Variants in METTL15 observed in about 807,000 individuals in gnomAD.
METTL15 encodes the protein 12S rRNA N(4)-cytidine methyltransferase METTL15.
In METTL15, 34 loss-of-function variants were observed where a neutral mutation model predicts 38.3. The ratio of observed to expected loss-of-function variants is 0.89; its 90% CI spans 0.68 to 1.18. METTL15 has a LOEUF of 1.18. Ranked by LOEUF, METTL15 falls within the 50% of genes most tolerant of loss-of-function variation. The pLI is 0.00. For synonymous variants in METTL15, 162 were observed against 170.9 expected, an observed-to-expected ratio of 0.95 and a Z score of 0.41; for missense variants, 438 against 498.4, an observed-to-expected ratio of 0.88 and a Z score of 1.15.
At chr11:28,147,814 T>C (rs1273921156) in intron 3 of METTL15, among the ~76,000 whole-genome samples, 2 of 151,916 alleles carry the variant, frequency 1.3e-5, no homozygotes, top group Admixed American at 1.3e-4. Context: ...TAACCCATTG[T>C]ACAAACTTAT....
At chr11:28,322,794 A>T (rs1345568799) in intron 6 of METTL15, among the ~76,000 whole-genome samples, 10 of 152,182 alleles carry the variant, frequency 6.6e-5, no homozygotes, top group Admixed American at 5.9e-4. Context: ...TTGTGATGGA[A>T]AAAATAAAAA....
chr11:28,315,548 C>G (rs1486901563), intron 6 of METTL15, among the ~76,000 whole-genome samples: 1 of 152,220 alleles, frequency 6.6e-6, no homozygotes, highest in Non-Finnish European at 1.5e-5. Context: ...AAAGAAATCC[C>G]ATTTTCTGAG....
chr11:28,494,660 G>A (rs1343810674), intron 6 of METTL15, among the ~76,000 whole-genome samples: 5 of 152,192 alleles, frequency 3.3e-5, no homozygotes, highest in Admixed American at 6.5e-5. Context: ...CTCAGTGGGA[G>A]GTAATTGTAT....
chr11:28,396,862 A>G (rs1438103059), intron 5 of METTL15, among the ~76,000 whole-genome samples: 1 of 152,232 alleles, frequency 6.6e-6, no homozygotes, highest in Non-Finnish European at 1.5e-5. Flanking sequence ...TACAGTAACC[A>G]AAACAGCATG....
chr11:28,429,350 GCCCTCTCCCTCTCCCTCTCCCTCT>G (rs1169253929), intron 6 of METTL15, among the ~76,000 whole-genome samples: 1 of 33,376 alleles, frequency 3.0e-5, no homozygotes, highest in Non-Finnish European at 5.6e-5. Context: ...GTAAACAGTA[GCCCTCTCCCTCTCCCTCTCCCTCT>G]CCCTCTCCCT....
At chr11:28,523,589 G>T (rs1349369352) in intron 6 of METTL15, among the ~76,000 whole-genome samples, 1 of 152,144 alleles carries the variant, frequency 6.6e-6, no homozygotes, top group Non-Finnish European at 1.5e-5. Flanking sequence ...AGCTAGAATT[G>T]CCATAACTAA....
At position 28,211,128 on chromosome 11, in the gene METTL15, A is replaced by T; in HGVS notation, c.337A>T (p.Ile113Phe). The T allele has an allele frequency of 6.2e-7, 1 of 1,612,870 alleles. No homozygotes were observed. The highest frequency in any genetic ancestry group is 8.5e-7 in the Non-Finnish European group (1 of 1,179,206). Reference sequence around the variant, plus strand: ...AGCCATTCTGCAGAAGGAGTCAGATATTGTTCTCTATGCCTTGGACAGAGA... The same window carrying T: ...AGCCATTCTGCAGAAGGAGTCAGATTTTGTTCTCTATGCCTTGGACAGAGA... Reference protein sequence around the residue: ...TKAILQKESDIVLYALDRDPT... With the variant: ...TKAILQKESDFVLYALDRDPT... Residue 113 changes from isoleucine (I) to phenylalanine (F), a missense_variant, in exon 4 of 7, where the codon ATT becomes TTT. By Grantham distance (21) the Ile-to-Phe change is conservative. Coordinates refer to ENST00000407364, the MANE Select transcript of METTL15 (RefSeq NM_001113528.2).
At chr11:28,427,152 TG>T (rs1354696946) in intron 6 of METTL15, among the ~76,000 whole-genome samples, 1 of 152,230 alleles carries the variant, frequency 6.6e-6, no homozygotes, top group African/African-American at 2.4e-5. Context: ...TTTCTTCATT[TG>T]GCCAGCCAGT....
At chr11:28,375,502 C>A (rs145811633) in intron 5 of METTL15, among the ~76,000 whole-genome samples, 1 of 151,236 alleles carries the variant, frequency 6.6e-6, no homozygotes, top group Non-Finnish European at 1.5e-5. Context: ...TCTGTGGGAT[C>A]GGTGGTAATA....
intron 4 of METTL15, among the ~76,000 whole-genome samples, chr11:28,353,854 A>G (rs1052517000): frequency 4.7e-5 from 7 of 148,990 alleles, no homozygotes; most frequent in Non-Finnish European, 7.4e-5. Flanking sequence ...GAACCCGGGA[A>G]GCGGAGCTTG....
chr11:28,197,864 T>G (rs920670043), intron 3 of METTL15, among the ~76,000 whole-genome samples: 5 of 152,086 alleles, frequency 3.3e-5, no homozygotes, highest in Non-Finnish European at 7.4e-5. Flanking sequence ...TTATTGCTTA[T>G]GAGAAGAATT....
intron 5 of METTL15, among the ~76,000 whole-genome samples, chr11:28,376,367 T>G (rs1214248536): frequency 6.6e-6 from 1 of 152,136 alleles, no homozygotes; most frequent in Non-Finnish European, 1.5e-5. Context: ...GGTGCATATA[T>G]ATTTAGGATA....
At chr11:28,401,793 A>G (rs981983692) in intron 5 of METTL15, among the ~76,000 whole-genome samples, 1 of 152,014 alleles carries the variant, frequency 6.6e-6, no homozygotes, top group Admixed American at 6.6e-5. Flanking sequence ...AGGCCAAATT[A>G]CTTCGATAGC....
chr11:28,447,448 T>C (rs890376644), intron 6 of METTL15, among the ~76,000 whole-genome samples: 1 of 152,210 alleles, frequency 6.6e-6, no homozygotes, highest in African/African-American at 2.4e-5. Context: ...CCTCATTTGT[T>C]ACTAATTCAT....
At chr11:28,194,959 T>G (rs1193383047) in intron 3 of METTL15, among the ~76,000 whole-genome samples, 1 of 152,098 alleles carries the variant, frequency 6.6e-6, no homozygotes, top group East Asian at 1.9e-4. Context: ...GTATTTGGTT[T>G]TCCATTCCGG....
intron 6 of METTL15, among the ~76,000 whole-genome samples, chr11:28,515,597 T>C (rs1851713333): frequency 6.6e-6 from 1 of 152,270 alleles, no homozygotes; most frequent in African/African-American, 2.4e-5. Flanking sequence ...TACTTGTTTA[T>C]GTATTGCCAT....
chr11:28,406,491 T>G (rs1457407986), intron 5 of METTL15, among the ~76,000 whole-genome samples: 4 of 152,110 alleles, frequency 2.6e-5, no homozygotes, highest in Non-Finnish European at 5.9e-5. Flanking sequence ...GTGCCACATT[T>G]TCTTAATCCA....
intron 3 of METTL15, among the ~76,000 whole-genome samples, chr11:28,147,890 T>G (rs1849942059): frequency 6.6e-6 from 1 of 151,880 alleles, no homozygotes; most frequent in African/African-American, 2.4e-5. Flanking sequence ...AAGGACATTA[T>G]GAATGTGCCT....
At chr11:28,503,176 A>G (rs1851598889) in intron 6 of METTL15, among the ~76,000 whole-genome samples, 1 of 152,152 alleles carries the variant, frequency 6.6e-6, no homozygotes, top group Non-Finnish European at 1.5e-5. Context: ...CTGCCTTTAA[A>G]GATTCCCGTG....
Sources: gnomAD v4.1 joint callset for allele counts (sites outside exome capture counted in the v4.1 genomes callset) on GRCh38, gnomAD v4.1.1 for gene constraint, MANE v1.5 for transcripts, NCBI Gene and HGNC (gene_info 2026-07-23, HGNC 2026-07-21) for gene names.